Variants in CNGB1 observed in about 807,000 individuals in gnomAD.
CNGB1 encodes cyclic nucleotide-gated channel beta-1.
CNGB1 carries 126 observed loss-of-function variants against 151.7 expected under a neutral mutation model. The ratio of observed to expected loss-of-function variants is 0.83; its 90% CI spans 0.72 to 0.96. The LOEUF is 0.96. Ranked by LOEUF, CNGB1 falls within the 40% of genes least tolerant of loss-of-function variation. The pLI is 0.00. For synonymous variants in CNGB1, 623 were observed against 635.1 expected (o/e 0.98, Z 0.29); for missense variants, 1,698 against 1,627.0 (o/e 1.04, Z -0.75).
At chr16:57,907,066 C>T (rs1960571376) in intron 25 of CNGB1, among the ~76,000 whole-genome samples, 1 of 152,220 alleles carries the variant, frequency 6.6e-6, no homozygotes, top group Admixed American at 6.5e-5. Flanking sequence ...ACTCGGTTCA[C>T]ATGTTGGGGT....
In CNGB1 at chr16:57,903,190, T is replaced by TC. The variant is rs1440176600; in HGVS notation, c.2794+631_2794+632insG. Among the ~76,000 whole-genome samples, 765 of 148,912 alleles carry TC rather than the reference T, an allele frequency of 5.1e-3. 9 individuals carry two copies. Among genetic ancestry groups the TC allele is most frequent in the African/African-American group, 0.018 (733 of 40,848 alleles). On this transcript the variant is annotated intron_variant, in intron 27 of 32. Transcript: ENST00000251102. ...GGGACAGAAAGTCCTTCTTCCTTTT[T>TC]TTTTTTTTTTTTTCAATTTAAACTG...
At position 57,971,098 on chromosome 16, in the gene CNGB1, T is replaced by C. The variant is rs186471030; in HGVS notation, c.-47A>G. On this transcript the variant is annotated 5_prime_UTR_variant, in exon 1 of 33. Coordinates refer to ENST00000251102, the MANE Select transcript of CNGB1 (RefSeq NM_001297.5). ...AACCGCCAGCCAGGAATTGCCTTCTTGCTGCCACTCGTAGCTGGCCCCTCA... is the reference window on the plus strand; with the variant it reads ...AACCGCCAGCCAGGAATTGCCTTCTCGCTGCCACTCGTAGCTGGCCCCTCA... 4.6e-3 allele frequency: 698 copies of C among 152,400 alleles called. 7 individuals carry two copies. The highest frequency in any genetic ancestry group is 0.014 in the Middle Eastern group (4 of 294). The allele number at this position is 152,400 out of a possible 1,614,324, so 9.4% of individuals were successfully genotyped here.
chr16:57,905,516 G>A (rs1453729913), intron 25 of CNGB1, among the ~76,000 whole-genome samples: 1 of 152,236 alleles, frequency 6.6e-6, no homozygotes, highest in Non-Finnish European at 1.5e-5. Flanking sequence ...GAGGTATGGG[G>A]GAGGGTGTCC....
chr16:57,895,031 A>G (rs1960185589), intron 31 of CNGB1, among the ~76,000 whole-genome samples: 1 of 152,144 alleles, frequency 6.6e-6, no homozygotes, highest in African/African-American at 2.4e-5. Flanking sequence ...TCTACCTAGA[A>G]GCCTTACTTT....
chr16:57,936,187 A>G (rs1961503062), intron 16 of CNGB1, among the ~76,000 whole-genome samples: 1 of 152,120 alleles, frequency 6.6e-6, no homozygotes, highest in African/African-American at 2.4e-5. Flanking sequence ...GTCACAATCA[A>G]TGGATCCAGA....
intron 22 of CNGB1, 136 bp from the exon 23 acceptor site, chr16:57,915,471 G>T: frequency 1.4e-6 from 1 of 730,668 alleles, no homozygotes; most frequent in Non-Finnish European, 2.4e-6. Context: ...AAACTAGAGG[G>T]CAGAAGGTGT....
rs1344432491 is a variant in CNGB1, at chr16:57,962,880, G to A, written c.382-8C>T. Reference sequence around the variant, plus strand: ...GCTGCCATGCCCCAGGATCTGCCAGGGACAGACAGACAGACATGGGCAGGG... The same window carrying A: ...GCTGCCATGCCCCAGGATCTGCCAGAGACAGACAGACAGACATGGGCAGGG... On this transcript the variant is annotated splice_polypyrimidine_tract_variant and splice_region_variant and intron_variant, in intron 5 of 32. Transcript: ENST00000251102. 4 of 1,612,546 alleles carry A rather than the reference G, an allele frequency of 2.5e-6. No individual in the cohort carries two copies. The highest frequency in any genetic ancestry group is 2.2e-5 in the East Asian group (1 of 44,880).
At chr16:57,936,217 G>A (rs1208987888) in intron 16 of CNGB1, among the ~76,000 whole-genome samples, 1 of 152,100 alleles carries the variant, frequency 6.6e-6, no homozygotes, top group African/African-American at 2.4e-5. Context: ...CTCCACCCTA[G>A]CCTCTGAGGA....
intron 2 of CNGB1, 72 bp from the exon 3 acceptor site, chr16:57,964,616 C>A: frequency 6.8e-7 from 1 of 1,472,176 alleles, no homozygotes; most frequent in Non-Finnish European, 9.5e-7. Flanking sequence ...CAGCCTGATT[C>A]TCCCTCAAGG....
intron 22 of CNGB1, among the ~76,000 whole-genome samples, chr16:57,915,582 C>T (rs991842006): frequency 5.9e-5 from 9 of 152,112 alleles, no homozygotes; most frequent in East Asian, 3.9e-4. Flanking sequence ...CAGTAAGGGG[C>T]GGGAGTGGTA....
intron 3 of CNGB1, 136 bp downstream of exon 3, chr16:57,964,351 G>A: frequency 7.3e-7 from 1 of 1,377,110 alleles, no homozygotes; most frequent in Non-Finnish European, 1.0e-6. Flanking sequence ...GTCTCTGGGA[G>A]CCCACCCTTA....
intron 8 of CNGB1, 59 bp downstream of exon 8, chr16:57,960,781 T>C: frequency 2.6e-6 from 4 of 1,562,058 alleles, no homozygotes; most frequent in Non-Finnish European, 3.5e-6. Context: ...CAGTCCCTCC[T>C]GGGGCCCCAG....
chr16:57,958,921 C>CTTT (rs10708381), intron 10 of CNGB1, among the ~76,000 whole-genome samples: 201 of 119,830 alleles, frequency 1.7e-3, no homozygotes, highest in African/African-American at 5.1e-3. Context: ...TCATGCCCAG[C>CTTT]TTTTTTTTTT....
chr16:57,935,196 C>T (rs1961476149), intron 16 of CNGB1, among the ~76,000 whole-genome samples: 1 of 152,084 alleles, frequency 6.6e-6, no homozygotes, highest in South Asian at 2.1e-4. Flanking sequence ...CTGCAGCAGG[C>T]CCATCCGTCT....
chr16:57,912,029 G>A lies in CNGB1; in HGVS notation c.2370-154C>T, dbSNP rs115013212. On this transcript the variant is annotated intron_variant, in intron 24 of 32. Transcript: ENST00000251102. ...AGGAAGGGTGGTGCTTGAATGGGGCGTTGTCATGACCTGGGGCTAGGATTG... is the reference window on the plus strand; with the variant it reads ...AGGAAGGGTGGTGCTTGAATGGGGCATTGTCATGACCTGGGGCTAGGATTG... 1.5e-3 allele frequency: 1,429 copies of A among 952,808 alleles called. 10 individuals are homozygous for A. In the African/African-American group the frequency reaches 0.016, roughly 10 times the overall value. The allele number at this position is 952,808 out of a possible 1,614,324, so 59.0% of individuals were successfully genotyped here.
At chr16:57,886,988 A>G (rs1959948914) in intron 32 of CNGB1, among the ~76,000 whole-genome samples, 1 of 152,154 alleles carries the variant, frequency 6.6e-6, no homozygotes, top group African/African-American at 2.4e-5. Context: ...GATGCTCCCA[A>G]CTCAGCCTCC....
rs137853902 is a variant in CNGB1, at chr16:57,903,869, C to T, written c.2747G>A (p.Arg916His). 1,516 of 1,614,194 alleles carry T rather than the reference C, an allele frequency of 9.4e-4. 1 individual carries two copies. Among genetic ancestry groups the T allele is most frequent in the Non-Finnish European group, 1.2e-3 (1,392 of 1,180,038 alleles). Residue 916 changes from arginine (R) to histidine (H), a missense_variant, in exon 27 of 33, where the codon CGC (arginine) becomes CAC (histidine). Arg to His is a conservative substitution (Grantham distance 29, BLOSUM62 0). Coordinates refer to ENST00000251102, the MANE Select transcript of CNGB1 (RefSeq NM_001297.5). ...GGTGTACTCGTACCAGGTCTTGACG[C>T]GGTTCTGCACGGACTTGGGGATCTT... The part of the protein sequence containing the change: ...FYKIPKSVQN[R>H]VKTWYEYTWH...
At chr16:57,922,413 C>CTTTT (rs1555490308) in intron 18 of CNGB1, among the ~76,000 whole-genome samples, 1 of 143,856 alleles carries the variant, frequency 7.0e-6, no homozygotes, top group Non-Finnish European at 1.5e-5. Context: ...GTTTCTTTCT[C>CTTTT]TCTTTCTTTC....
At chr16:57,903,760 C>G (rs1359677671) in intron 27 of CNGB1, 62 bp downstream of exon 27, 1 of 1,599,828 alleles carries the variant, frequency 6.3e-7, no homozygotes, top group Admixed American at 1.7e-5. Flanking sequence ...AGGCATGGCA[C>G]CGGGCACCAG....
Sources: allele counts gnomAD v4.1 joint callset (sites outside exome capture counted in the v4.1 genomes callset), GRCh38; gene constraint gnomAD v4.1.1; transcripts MANE v1.5; gene names NCBI Gene and HGNC (gene_info 2026-07-23, HGNC 2026-07-21).